Variants in SYCP1 observed in about 807,000 individuals in gnomAD.
SYCP1 encodes cancer/testis antigen 8.
SYCP1 carries 64 observed loss-of-function variants against 153.1 expected under a neutral mutation model. The ratio of observed to expected loss-of-function variants is 0.42; its 90% CI spans 0.34 to 0.51. The LOEUF (loss-of-function observed/expected upper bound fraction) is 0.51, where lower values mean the gene tolerates loss of function less well. Ranked by LOEUF, SYCP1 falls within the 20% of genes least tolerant of loss-of-function variation. The pLI, the probability that SYCP1 is intolerant of heterozygous loss-of-function variation, is 0.06. For missense variants in SYCP1, 997 were observed against 1,049.0 expected (o/e 0.95, Z 0.68); for synonymous variants, 384 against 341.8 (o/e 1.12, Z -1.36).
At chr1:114,964,874 A>T (rs537686428) in intron 27 of SYCP1, among the ~76,000 whole-genome samples, 81 of 152,252 alleles carry the variant, frequency 5.3e-4, no homozygotes, top group African/African-American at 1.7e-3. Context: ...ATGAAATTTA[A>T]AGTAGTTTTT....
intron 19 of SYCP1, among the ~76,000 whole-genome samples, chr1:114,913,584 G>T (rs1557794923): frequency 6.6e-6 from 1 of 152,056 alleles, no homozygotes; most frequent in Non-Finnish European, 1.5e-5. Context: ...ATCAGAGTTT[G>T]CAGGATCACT....
chr1:114,896,862 T>C (rs933348171), intron 16 of SYCP1, among the ~76,000 whole-genome samples: 2 of 152,208 alleles, frequency 1.3e-5, no homozygotes, highest in Non-Finnish European at 2.9e-5. Flanking sequence ...GCAGACATTT[T>C]GAAGGGTGTG....
intron 8 of SYCP1, among the ~76,000 whole-genome samples, chr1:114,864,297 G>A (rs1664580623): frequency 6.6e-6 from 1 of 152,230 alleles, no homozygotes; most frequent in South Asian, 2.1e-4. Context: ...CCTGAATAAG[G>A]GAGTGGGCCA....
intron 8 of SYCP1, among the ~76,000 whole-genome samples, chr1:114,862,688 G>A (rs1174578819): frequency 6.6e-6 from 1 of 152,144 alleles, no homozygotes; most frequent in Non-Finnish European, 1.5e-5. Context: ...ATCAGATGGT[G>A]AGGAAGGTTT....
intron 23 of SYCP1, among the ~76,000 whole-genome samples, chr1:114,938,984 T>C (rs1670213824): frequency 1.3e-5 from 2 of 152,170 alleles, no homozygotes; most frequent in Non-Finnish European, 2.9e-5. Context: ...ACAGTCACTG[T>C]GGAGAACAAT....
rs376293460 is a variant in SYCP1, at chr1:114,957,446, A to T, written c.2322+10126A>T. ...TGAAAGCAAAAATGGATAAAACAGG[A>T]TTATATCAAGCTACAAAGTCTCTGC... On this transcript the variant is annotated intron_variant, in intron 27 of 31. Transcript: ENST00000369522. 7.9e-5 allele frequency among the ~76,000 whole-genome samples: 12 copies of T among 152,342 alleles called. No individual in the cohort carries two copies. The East Asian group carries it at 1.3e-3, about 17-fold the overall frequency.
At chr1:114,930,118 A>AAAAT (rs1669527743) in intron 23 of SYCP1, among the ~76,000 whole-genome samples, 1 of 152,094 alleles carries the variant, frequency 6.6e-6, no homozygotes, top group African/African-American at 2.4e-5. Flanking sequence ...AATCACAAGG[A>AAAAT]AAATGATAAA....
chr1:114,944,967 T>A lies in SYCP1; in HGVS notation c.2139T>A (p.Leu713=). 6.3e-7 allele frequency: 1 copy of A among 1,584,274 alleles called. No individual in the cohort carries two copies. The highest frequency in any genetic ancestry group is 8.5e-7 in the Non-Finnish European group (1 of 1,170,092). Residue 713 remains leucine (L), a synonymous_variant, in exon 25 of 32, where the codon CTT becomes CTA. Transcript: ENST00000369522. ...CQHKIAEMVA[L]MEKHKHQYDK... is the part of the protein sequence containing the mutation. ...ATAAAATAGCTGAAATGGTAGCACT[T>A]ATGGAAAAACATAAGGTAATTTTTT... is the stretch of plus-strand genomic sequence containing the variant.
At chr1:114,947,811 CAAAAAAAAAAAAA>C (rs1174716918) in intron 27 of SYCP1, among the ~76,000 whole-genome samples, 479 of 43,912 alleles carry the variant, frequency 0.011, 5 homozygotes, top group African/African-American at 0.042. Context: ...GACTCCGTCT[CAAAAAAAAAAAAA>C]AAAAAAAAAA....
chr1:114,945,694 G>C (rs656335), intron 25 of SYCP1, among the ~76,000 whole-genome samples: 75,428 of 151,544 alleles, frequency 0.5, 19,970 homozygotes, highest in Middle Eastern at 0.61. Flanking sequence ...TTTAAGCTGT[G>C]TGGCAAGTCC....
chr1:114,897,474 A>C (rs946676206), intron 16 of SYCP1, among the ~76,000 whole-genome samples: 2 of 152,198 alleles, frequency 1.3e-5, no homozygotes, highest in African/African-American at 4.8e-5. Context: ...CTGACTGGTA[A>C]GAAAAACTTT....
rs1241144089 is a variant in SYCP1, at chr1:114,857,460, G to T, written c.254G>T (p.Cys85Phe). Residue 85 changes from cysteine to phenylalanine, a missense_variant, in exon 5 of 32, where the codon TGT (cysteine) becomes TTT (phenylalanine). By Grantham distance (205) the Cys-to-Phe change is radical. Around this residue, in one of 2 missense-constraint regions of SYCP1, gnomAD observed 285 missense variants for 366.1 expected, o/e 0.78. Coordinates refer to ENST00000369522, the MANE Select transcript of SYCP1 (RefSeq NM_003176.4). ...PVLEQVGNSD[C>F]HYQEGLKDSD... Reference sequence around the variant, plus strand: ...TCTTTTTAGGTTGGTAATTCTGACTGTCACTATCAGGAAGGACTAAAAGAC... The same window carrying T: ...TCTTTTTAGGTTGGTAATTCTGACTTTCACTATCAGGAAGGACTAAAAGAC... 2 of 1,599,552 alleles carry T rather than the reference G, an allele frequency of 1.3e-6. No individual in the cohort carries two copies. Among genetic ancestry groups the T allele is most frequent in the Non-Finnish European group, 1.7e-6 (2 of 1,172,798 alleles).
At chr1:114,911,351 C>A (rs574297352) in intron 17 of SYCP1, 128 bp from the exon 18 acceptor site, 74 of 478,538 alleles carry the variant, frequency 1.5e-4, no homozygotes, top group African/African-American at 1.5e-3. Context: ...TAAATTTACT[C>A]GTTTAAAATA....
intron 30 of SYCP1, among the ~76,000 whole-genome samples, chr1:114,987,524 G>A (rs1490217476): frequency 1.3e-5 from 2 of 151,950 alleles, no homozygotes; most frequent in Non-Finnish European, 1.5e-5. Flanking sequence ...AATTAGCCAG[G>A]TGTGGTGGCA....
chr1:114,881,484 A>G (rs1440110998), intron 12 of SYCP1, among the ~76,000 whole-genome samples: 1 of 125,002 alleles, frequency 8.0e-6, no homozygotes, highest in Non-Finnish European at 1.8e-5. Flanking sequence ...CATTTCTTTT[A>G]GCACATGGAA....
chr1:114,895,283 G>A (rs1177639417), intron 15 of SYCP1, among the ~76,000 whole-genome samples, 165 bp from the exon 16 acceptor site: 1 of 151,970 alleles, frequency 6.6e-6, no homozygotes, highest in African/African-American at 2.4e-5. Context: ...TCTTTTATTA[G>A]CTTTTCATAG....
At chr1:114,881,729 T>C (rs1304540888) in intron 12 of SYCP1, among the ~76,000 whole-genome samples, 1 of 152,152 alleles carries the variant, frequency 6.6e-6, no homozygotes, top group East Asian at 1.9e-4. Context: ...CTCAAACTCC[T>C]GGGCTCTAGC....
chr1:114,906,181 G>A (rs1258640299), intron 16 of SYCP1, among the ~76,000 whole-genome samples: 1 of 151,936 alleles, frequency 6.6e-6, no homozygotes, highest in African/African-American at 2.4e-5. Context: ...TGGCCAGGCT[G>A]GTCTCGAACT....
intron 15 of SYCP1, among the ~76,000 whole-genome samples, chr1:114,888,434 T>C (rs1191436118): frequency 6.6e-6 from 1 of 151,970 alleles, no homozygotes; most frequent in Non-Finnish European, 1.5e-5. Context: ...AAATATTATC[T>C]AGTATCGGAA....
Sources: allele counts gnomAD v4.1 joint callset (sites outside exome capture counted in the v4.1 genomes callset), GRCh38; gene constraint gnomAD v4.1.1; regional missense constraint gnomAD v4.1.1; transcripts MANE v1.5; gene names NCBI Gene and HGNC (gene_info 2026-07-23, HGNC 2026-07-21).